Variants in FAM111B observed in about 807,000 individuals in gnomAD.
FAM111B encodes the protein FAM111 trypsin like peptidase B, also known as serine protease FAM111B.
FAM111B carries 1 observed loss-of-function variant against 2.8 expected under a neutral mutation model. That is an observed-to-expected ratio of 0.36 (90% CI 0.13 to 1.70). FAM111B has a LOEUF of 1.70. FAM111B is among the 40% of genes most tolerant of loss of function. FAM111B has a pLI of 0.35. For synonymous variants in FAM111B, 297 were observed against 295.6 expected, an observed-to-expected ratio of 1.00 and a Z score of -0.05; for missense variants, 882 against 878.9, an observed-to-expected ratio of 1.00 and a Z score of -0.04.
rs1476561074 is a variant in FAM111B, at chr11:59,125,195, G to C, written c.1098G>C (p.Arg366=). 6.2e-7 allele frequency: 1 copy of C among 1,613,844 alleles called. No individual in the cohort carries two copies. Among genetic ancestry groups the C allele is most frequent in the Admixed American group, 1.7e-5 (1 of 59,990 alleles). ...KYRQINSQVR[R]RPHLGRRYAI... is the part of the protein sequence containing the mutation. ...GGCAAATAAACTCACAAGTTAGACG[G>C]AGGCCGCATCTGGGTAGGCGGTATG... The change falls in exon 4 of 4, where the codon CGG becomes CGC. Residue 366 remains arginine, a synonymous_variant. Coordinates refer to ENST00000343597, the MANE Select transcript of FAM111B (RefSeq NM_198947.4).
chr11:59,117,075 G>A (rs761284133), intron 3 of FAM111B, among the ~76,000 whole-genome samples: 43 of 152,290 alleles, frequency 2.8e-4, no homozygotes, highest in African/African-American at 9.6e-4. Flanking sequence ...AACAAACTAC[G>A]TGCAGTTGCT....
At chr11:59,112,037 G>C (rs1345281861) in intron 3 of FAM111B, among the ~76,000 whole-genome samples, 1 of 152,094 alleles carries the variant, frequency 6.6e-6, no homozygotes, top group Non-Finnish European at 1.5e-5. Context: ...GTATACAGTT[G>C]AATGGCTTAT....
Position 59,109,520 on chromosome 11 carries a change from T to C in FAM111B, c.-86-20T>C, listed in dbSNP as rs973684613. On this transcript the variant is annotated intron_variant, in intron 2 of 3. Transcript: ENST00000343597. The stretch of plus-strand genomic sequence containing the variant: ...TTGAAAGTGGTTATTTCATAGATCT[T>C]GTTTTTTTGGTTTTTTTAGACATTT... 16 of 682,598 alleles carry C rather than the reference T, an allele frequency of 2.3e-5. No homozygotes were observed. The highest frequency in any genetic ancestry group is 5.2e-4 in the Middle Eastern group (2 of 3,830). The allele number at this position is 682,598 out of a possible 1,614,324, so 42.3% of individuals were successfully genotyped here.
At chr11:59,109,766 A>G in intron 3 of FAM111B, 60 bp downstream of exon 3, 1 of 1,049,214 alleles carries the variant, frequency 9.5e-7, no homozygotes, top group South Asian at 1.5e-5. Context: ...GTGCCATATG[A>G]GGATCTTGGA....
chr11:59,115,544 C>T (rs979459787), intron 3 of FAM111B, among the ~76,000 whole-genome samples: 2 of 152,222 alleles, frequency 1.3e-5, no homozygotes, highest in African/African-American at 4.8e-5. Flanking sequence ...TTCTTGAATA[C>T]AAGGGAGACA....
chr11:59,114,242 G>A (rs564087947), intron 3 of FAM111B, among the ~76,000 whole-genome samples: 1 of 152,320 alleles, frequency 6.6e-6, no homozygotes, highest in Admixed American at 6.5e-5. Context: ...GGACCAAGGG[G>A]AGAGGAGCTG....
Position 59,124,188 on chromosome 11 carries a change from A to G in FAM111B, c.91A>G (p.Met31Val). The change falls in exon 4 of 4, where the codon ATG becomes GTG. Residue 31 changes from methionine (M) to valine (V), a missense_variant. Coordinates refer to ENST00000343597, the MANE Select transcript of FAM111B (RefSeq NM_198947.4). The part of the protein sequence containing the change: ...TRPEVSKDTV[M>V]KQTHADTPVD... ...ATCTTTCCTTTTTAAGGATACTGTC[A>G]TGAAGCAGACACATGCTGACACACC... is the stretch of plus-strand genomic sequence containing the variant. The G allele has an allele frequency of 1.9e-6, 3 of 1,608,446 alleles. No homozygotes were observed. The highest frequency in any genetic ancestry group is 2.5e-6 in the Non-Finnish European group (3 of 1,176,744).
chr11:59,120,686 T>C (rs950704133), intron 3 of FAM111B, among the ~76,000 whole-genome samples: 1 of 152,226 alleles, frequency 6.6e-6, no homozygotes, highest in Non-Finnish European at 1.5e-5. Flanking sequence ...CTTCCCTCTG[T>C]GTATGTCTAT....
intron 3 of FAM111B, among the ~76,000 whole-genome samples, chr11:59,115,514 A>G (rs1859825202): frequency 6.6e-6 from 1 of 152,204 alleles, no homozygotes; most frequent in South Asian, 2.1e-4. Flanking sequence ...TTTCCCAGAC[A>G]AGGCTTTATT....
chr11:59,116,513 C>T, intron 3 of FAM111B, among the ~76,000 whole-genome samples: 1 of 152,174 alleles, frequency 6.6e-6, no homozygotes, highest in African/African-American at 2.4e-5. Flanking sequence ...GAGCCAGGTC[C>T]TCCTTTTCCA....
chr11:59,125,411 C>T lies in FAM111B; in HGVS notation c.1314C>T (p.Phe438=), dbSNP rs762194748. 1.4e-5 allele frequency: 22 copies of T among 1,613,784 alleles called. No homozygotes were observed. The highest frequency in any genetic ancestry group is 1.1e-5 in the Non-Finnish European group (13 of 1,179,840). ...AKQFNIYKKD[F]GKMTANSVSV... ...AATTCAACATATATAAAAAGGACTT[C>T]GGAAAAATGACTGCAAATTCTGTTT... is the stretch of plus-strand genomic sequence containing the variant. The change falls in exon 4 of 4, where the codon TTC becomes TTT. Residue 438 remains phenylalanine, a synonymous_variant. Transcript: ENST00000343597.
chr11:59,124,080 T>G (rs1425622166), intron 3 of FAM111B, 99 bp from the exon 4 acceptor site: 7 of 742,512 alleles, frequency 9.4e-6, no homozygotes, highest in Non-Finnish European at 1.4e-5. Flanking sequence ...TTATATTATC[T>G]AATTTTTATT....
rs74322045 is a variant in FAM111B, at chr11:59,116,761, G to A, written c.81+7055G>A. 9.5e-3 allele frequency among the ~76,000 whole-genome samples: 1,440 copies of A among 152,330 alleles called. 24 individuals carry two copies. The highest frequency in any genetic ancestry group is 0.033 in the African/African-American group (1,371 of 41,566). ...GCCTCAACCCAGATATATTAAGTCA[G>A]ATCCTCTGGGTTAGGGCTCAGCAAT... On this transcript the variant is annotated intron_variant, in intron 3 of 3. Transcript: ENST00000343597.
At position 59,125,061 on chromosome 11, in the gene FAM111B, G is replaced by C. The variant is rs1453636020; in HGVS notation, c.964G>C (p.Glu322Gln). ...GACCAAAGATGTAGAACACAGCAGA[G>C]AGCAAATTCTCCCACCTCAGGATCT... ...GETKDVEHSREQILPPQDLSH... is the reference protein window; with the variant it reads ...GETKDVEHSRQQILPPQDLSH... Residue 322 changes from glutamate to glutamine, a missense_variant, in exon 4 of 4, where the codon GAG becomes CAG. Coordinates refer to ENST00000343597, the MANE Select transcript of FAM111B (RefSeq NM_198947.4). 3.1e-6 allele frequency: 5 copies of C among 1,613,444 alleles called. No homozygotes were observed. Among genetic ancestry groups the C allele is most frequent in the Non-Finnish European group, 4.2e-6 (5 of 1,179,786 alleles).
intron 1 of FAM111B, among the ~76,000 whole-genome samples, chr11:59,108,268 T>A (rs189492761): frequency 2.0e-5 from 3 of 152,314 alleles, no homozygotes; most frequent in South Asian, 2.1e-4. Context: ...AGAGGGTTGG[T>A]GGAAAGTTAG....
At chr11:59,112,337 G>T (rs1360025901) in intron 3 of FAM111B, among the ~76,000 whole-genome samples, 2 of 152,150 alleles carry the variant, frequency 1.3e-5, no homozygotes, top group African/African-American at 4.8e-5. Flanking sequence ...GCACTGATAG[G>T]TTTTTTCTTT....
rs1859979700 is a variant in FAM111B at position 59,124,581 on chromosome 11, CAAAG to C, written c.490_493del (p.Lys164ValfsTer27). 1.2e-6 allele frequency: 2 copies of C among 1,613,410 alleles called. No homozygotes were observed. Among genetic ancestry groups the C allele is most frequent in the Non-Finnish European group, 8.5e-7 (1 of 1,179,736 alleles). On this transcript the variant is annotated frameshift_variant, in exon 4 of 4. Transcript: ENST00000343597. LOFTEE classifies it low-confidence loss of function (END_TRUNC). ...TTCTCATTTTAAAATTACATTTGGTCAAAGAAAGAGTAGCAAAGAAGATGGACAC... is the reference window on the plus strand; with the variant it reads ...TTCTCATTTTAAAATTACATTTGGTCAAAGAGTAGCAAAGAAGATGGACAC...
rs558380890 is a variant in FAM111B at position 59,113,434 on chromosome 11, A to T, written c.81+3728A>T. On this transcript the variant is annotated intron_variant, in intron 3 of 3. Transcript: ENST00000343597. Reference sequence around the variant, plus strand: ...GCATTATTCTCTCCAAGGCCACCAGACAAGGTGAGAACTAGAAAGATCAGA... The same window carrying T: ...GCATTATTCTCTCCAAGGCCACCAGTCAAGGTGAGAACTAGAAAGATCAGA... 4.6e-5 allele frequency among the ~76,000 whole-genome samples: 7 copies of T among 152,314 alleles called. No individual in the cohort carries two copies. In the South Asian group the frequency reaches 1.0e-3, roughly 23 times the overall value.
At chr11:59,119,818 G>T (rs969453350) in intron 3 of FAM111B, among the ~76,000 whole-genome samples, 2 of 152,042 alleles carry the variant, frequency 1.3e-5, no homozygotes, top group Non-Finnish European at 2.9e-5. Context: ...ATTTAATTTA[G>T]CCAATGCAGT....
Sources: gnomAD v4.1 joint callset for allele counts (sites outside exome capture counted in the v4.1 genomes callset) on GRCh38, gnomAD v4.1.1 for gene constraint, MANE v1.5 for transcripts, NCBI Gene and HGNC (gene_info 2026-07-23, HGNC 2026-07-21) for gene names.